ZBTB20: variants seen among roughly 807,000 people sequenced by gnomAD.
The protein encoded by ZBTB20 is zinc finger and BTB domain containing 20.
A neutral mutation model predicts 56.9 loss-of-function variants in ZBTB20; 9 were observed. The observed-to-expected ratio is 0.16, with a 90% CI of 0.10 to 0.28. ZBTB20 has a LOEUF of 0.28. ZBTB20 is among the 10% of genes least tolerant of loss of function. The pLI is 1.00. For synonymous variants in ZBTB20, 417 were observed against 420.7 expected (o/e 0.99, Z 0.11); for missense variants, 655 against 1,003.0 (o/e 0.65, Z 4.69).
chr3:115,007,660 C>T (rs942979728), intron 2 of ZBTB20, among the ~76,000 whole-genome samples: 2 of 151,774 alleles, frequency 1.3e-5, no homozygotes, highest in African/African-American at 4.8e-5. Flanking sequence ...TGCTCTGTTA[C>T]CACTTTCTTC....
At position 114,971,177 on chromosome 3, in the gene ZBTB20, T is replaced by G. The variant is rs143805654; in HGVS notation, c.-456+3189A>C. 7.0e-3 allele frequency among the ~76,000 whole-genome samples: 1,070 copies of G among 152,344 alleles called. 6 individuals carry two copies. The highest frequency in any genetic ancestry group is 0.012 in the Non-Finnish European group (822 of 68,034). ...TGTTGGATGAGAGATATTCTAACGC[T>G]GTTTATTTTTTCGGAAGATTCAGAT... On this transcript the variant is annotated intron_variant, in intron 3 of 11. Transcript: ENST00000675478.
chr3:114,910,548 G>C (rs141375769), intron 3 of ZBTB20, among the ~76,000 whole-genome samples: 46 of 151,840 alleles, frequency 3.0e-4, no homozygotes, highest in Admixed American at 1.2e-3. Context: ...CTAGCCAAAA[G>C]ACACTCAGAA....
intron 1 of ZBTB20, among the ~76,000 whole-genome samples, chr3:115,095,560 G>GAGTGGC (rs2083350509): frequency 6.6e-6 from 1 of 152,084 alleles, no homozygotes; most frequent in African/African-American, 2.4e-5. Context: ...TGAACAGCTA[G>GAGTGGC]AGTGGCAAAA....
intron 4 of ZBTB20, among the ~76,000 whole-genome samples, chr3:114,880,577 T>A (rs2076361931): frequency 6.6e-6 from 1 of 152,206 alleles, no homozygotes; most frequent in Non-Finnish European, 1.5e-5. Context: ...CTTAAGTATT[T>A]ACCTGATGAC....
At chr3:114,561,257 A>G (rs982865995) in intron 6 of ZBTB20, among the ~76,000 whole-genome samples, 1 of 152,172 alleles carries the variant, frequency 6.6e-6, no homozygotes, top group African/African-American at 2.4e-5. Context: ...ACTTCTTCCA[A>G]ATGCCTGTTA....
At chr3:114,744,191 C>T (rs1439927387) in intron 5 of ZBTB20, among the ~76,000 whole-genome samples, 1 of 152,122 alleles carries the variant, frequency 6.6e-6, no homozygotes, top group East Asian at 1.9e-4. Flanking sequence ...TACTTCTGGG[C>T]TAAAGGCAGC....
At chr3:114,902,707 G>GC (rs1425664406) in intron 3 of ZBTB20, among the ~76,000 whole-genome samples, 1 of 152,144 alleles carries the variant, frequency 6.6e-6, no homozygotes, top group East Asian at 1.9e-4. Context: ...AATCTGGAAT[G>GC]CAGATGTGTA....
chr3:115,065,247 T>A (rs2082165849), intron 2 of ZBTB20, among the ~76,000 whole-genome samples: 1 of 152,216 alleles, frequency 6.6e-6, no homozygotes, highest in South Asian at 2.1e-4. Context: ...TATAATCTTG[T>A]CATGTTTCAT....
In ZBTB20 at chr3:114,322,408, C is replaced by A. The variant is rs1039944377; in HGVS notation, c.*16597G>T. ...AACAGAAGGAAAACCATAGTGTAAT[C>A]CCTTGACCACCAAAGCATATCCCTT... On this transcript the variant is annotated 3_prime_UTR_variant, in exon 12 of 12. Coordinates refer to ENST00000675478, the MANE Select transcript of ZBTB20 (RefSeq NM_001348800.3). The A allele has an allele frequency of 1.3e-5, 2 of 152,116 alleles. No homozygotes were observed. The highest frequency in any genetic ancestry group is 2.9e-5 in the Non-Finnish European group (2 of 68,026). 9.4% of individuals were successfully genotyped at this position (152,116 alleles called of 1,614,324 possible). A position where few individuals can be genotyped will look rare whatever the true frequency, so the allele number is the denominator to read the frequency against.
intron 2 of ZBTB20, among the ~76,000 whole-genome samples, chr3:115,016,889 A>T (rs1049478759): frequency 1.3e-5 from 2 of 151,762 alleles, no homozygotes; most frequent in African/African-American, 4.8e-5. Flanking sequence ...ACCTCAAAAT[A>T]GTAAGAGCCA....
chr3:114,392,474 C>T (rs1164620766), intron 7 of ZBTB20, among the ~76,000 whole-genome samples: 1 of 152,076 alleles, frequency 6.6e-6, no homozygotes, highest in Admixed American at 6.6e-5. Context: ...TAAACTCAGG[C>T]TGAAAATAAG....
At chr3:114,465,053 T>C (rs1422150121) in intron 7 of ZBTB20, among the ~76,000 whole-genome samples, 2 of 148,616 alleles carry the variant, frequency 1.3e-5, no homozygotes, top group African/African-American at 5.2e-5. Context: ...TGTTTTTAGG[T>C]AAAAACCTAA....
chr3:114,881,002 T>C (rs2076377263), intron 4 of ZBTB20, among the ~76,000 whole-genome samples: 1 of 152,100 alleles, frequency 6.6e-6, no homozygotes, highest in South Asian at 2.1e-4. Flanking sequence ...AAAGGAAATA[T>C]AAATATGATA....
chr3:114,341,088 C>T (rs987390373), intron 11 of ZBTB20, among the ~76,000 whole-genome samples: 9 of 152,132 alleles, frequency 5.9e-5, no homozygotes, highest in Non-Finnish European at 1.3e-4. Context: ...ATTGTGTTTT[C>T]AAACATAAAC....
At chr3:114,652,694 T>C (rs1398047137) in intron 6 of ZBTB20, among the ~76,000 whole-genome samples, 3 of 151,968 alleles carry the variant, frequency 2.0e-5, no homozygotes, top group African/African-American at 7.2e-5. Flanking sequence ...TAAAATAAAT[T>C]TGACAATTTA....
intron 6 of ZBTB20, chr3:114,687,158 AC>A (rs1385866655): frequency 1.3e-5 from 2 of 152,102 alleles, no homozygotes; most frequent in Non-Finnish European, 2.9e-5. Context: ...AAATTAACTA[AC>A]AGATATGTAG....
intron 6 of ZBTB20, among the ~76,000 whole-genome samples, chr3:114,621,160 A>G (rs1301338588): frequency 6.6e-6 from 1 of 152,198 alleles, no homozygotes; most frequent in Admixed American, 6.5e-5. Flanking sequence ...TTGAAGCTGT[A>G]CATAATAGAA....
chr3:114,792,203 A>T (rs2071009969), intron 5 of ZBTB20: 1 of 152,196 alleles, frequency 6.6e-6, no homozygotes, highest in African/African-American at 2.4e-5. Context: ...ATTGAACCAG[A>T]ATTGGATTTT....
chr3:114,970,084 T>C (rs2077811313), intron 3 of ZBTB20, among the ~76,000 whole-genome samples: 2 of 152,244 alleles, frequency 1.3e-5, no homozygotes, highest in Non-Finnish European at 2.9e-5. Context: ...TACTGGGCTC[T>C]TGATAGGTCC....
Sources: gnomAD v4.1 joint callset for allele counts (sites outside exome capture counted in the v4.1 genomes callset) on GRCh38, gnomAD v4.1.1 for gene constraint, MANE v1.5 for transcripts, NCBI Gene and HGNC (gene_info 2026-07-23, HGNC 2026-07-21) for gene names.